Variants in LNPEP observed in about 807,000 individuals in gnomAD.
LNPEP encodes leucyl-cystinyl aminopeptidase.
A neutral mutation model predicts 120.6 loss-of-function variants in LNPEP; 64 were observed. That is an observed-to-expected ratio of 0.53 (90% CI 0.43 to 0.65). LNPEP has a LOEUF of 0.65. LNPEP is among the 30% of genes least tolerant of loss of function. The probability of loss-of-function intolerance (pLI) is 0.00; values close to 1 mark genes in which losing one functional copy is unlikely to be tolerated. For missense variants in LNPEP, 1,057 were observed against 1,200.0 expected (o/e 0.88, Z 1.76); for synonymous variants, 435 against 425.4 (o/e 1.02, Z -0.28).
intron 3 of LNPEP, 102 bp downstream of exon 3, chr5:96,985,320 T>A: frequency 1.1e-6 from 1 of 926,100 alleles, no homozygotes; most frequent in Non-Finnish European, 1.6e-6. Context: ...ATGATTAAAA[T>A]CATATACATT....
chr5:97,010,784 A>G (rs2112653947), intron 11 of LNPEP: 1 of 985,390 alleles, frequency 1.0e-6, no homozygotes, highest in Non-Finnish European at 1.2e-6. Context: ...AAAACATATG[A>G]GGGTAGCTTC....
At chr5:96,945,766 G>A (rs955404729) in intron 1 of LNPEP, among the ~76,000 whole-genome samples, 5 of 152,108 alleles carry the variant, frequency 3.3e-5, no homozygotes, top group African/African-American at 1.2e-4. Flanking sequence ...GCCCTTGGCC[G>A]TTCAGTCAGA....
At position 97,034,045 on chromosome 5, in the gene LNPEP, A is replaced by G. The variant is rs934421554; in HGVS notation, c.*5512A>G. ...TATTATTTCATGCTGTACCCAGTCC[A>G]TTGCTTGGACTTACGGGTACCTAAT... On this transcript the variant is annotated 3_prime_UTR_variant, in exon 18 of 18. Coordinates refer to ENST00000231368, the MANE Select transcript of LNPEP (RefSeq NM_005575.3). 1.3e-5 allele frequency: 2 copies of G among 152,072 alleles called. No individual in the cohort carries two copies. Among genetic ancestry groups the G allele is most frequent in the Non-Finnish European group, 2.9e-5 (2 of 68,002 alleles). 9.4% of individuals were successfully genotyped at this position (152,072 alleles called of 1,614,324 possible).
In LNPEP at chr5:96,979,128, G is replaced by T; in HGVS notation, c.20-10G>T. The T allele has an allele frequency of 3.2e-6, 5 of 1,574,358 alleles. No homozygotes were observed. The highest frequency in any genetic ancestry group is 1.4e-5 in the African/African-American group (1 of 72,844). ...ACTCTGTGCCTTGTTCTTATGTTTT[G>T]GTTTTTTAGATCGGCTTCAGCTCCC... On this transcript the variant is annotated splice_polypyrimidine_tract_variant and intron_variant, in intron 1 of 17. Coordinates refer to ENST00000231368, the MANE Select transcript of LNPEP (RefSeq NM_005575.3).
At chr5:97,024,821 A>G (rs1230832051) in intron 15 of LNPEP, 139 bp downstream of exon 15, 5 of 670,046 alleles carry the variant, frequency 7.5e-6, no homozygotes, top group Non-Finnish European at 1.2e-5. Flanking sequence ...CAGTGTGGTG[A>G]GGAGACTACA....
Position 97,034,967 on chromosome 5 carries a change from A to G in LNPEP, c.*6434A>G, listed in dbSNP as rs543183222. On this transcript the variant is annotated 3_prime_UTR_variant, in exon 18 of 18. Coordinates refer to ENST00000231368, the MANE Select transcript of LNPEP (RefSeq NM_005575.3). ...ACAAGAACACACATATTTATATACT[A>G]TACACACACATTTTAATGTATATAA... The G allele has an allele frequency of 1.3e-5, 2 of 152,138 alleles. No individual in the cohort carries two copies. The highest frequency in any genetic ancestry group is 1.5e-5 in the Non-Finnish European group (1 of 67,970). The allele number at this position is 152,138 out of a possible 1,614,324, so 9.4% of individuals were successfully genotyped here.
chr5:97,017,002 A>C (rs1791083722), intron 13 of LNPEP, among the ~76,000 whole-genome samples: 1 of 152,150 alleles, frequency 6.6e-6, no homozygotes, highest in South Asian at 2.1e-4. Flanking sequence ...TATGGGATAT[A>C]TGTCTGGAAA....
intron 1 of LNPEP, among the ~76,000 whole-genome samples, chr5:96,970,741 G>A (rs1297064579): frequency 6.6e-6 from 1 of 151,870 alleles, no homozygotes. Context: ...CATTAAGTCT[G>A]TGTATAGTCA....
At chr5:96,949,912 C>T (rs1789285155) in intron 1 of LNPEP, among the ~76,000 whole-genome samples, 2 of 152,150 alleles carry the variant, frequency 1.3e-5, no homozygotes, top group African/African-American at 4.8e-5. Flanking sequence ...TCTATCCTTC[C>T]GTCCTCCTTC....
intron 17 of LNPEP, 55 bp downstream of exon 17, chr5:97,027,869 C>A: frequency 2.0e-6 from 2 of 1,024,532 alleles, no homozygotes; most frequent in Non-Finnish European, 3.1e-6. Flanking sequence ...CACACCCGGA[C>A]CAGGCTGCTC....
chr5:96,994,042 T>C, intron 6 of LNPEP, 71 bp downstream of exon 6: 5 of 1,243,936 alleles, frequency 4.0e-6, no homozygotes, highest in Non-Finnish European at 5.6e-6. Flanking sequence ...TTGTTAGCAT[T>C]TAGATGCTAA....
At chr5:96,940,743 C>T (rs1185408359) in intron 1 of LNPEP, among the ~76,000 whole-genome samples, 1 of 152,012 alleles carries the variant, frequency 6.6e-6, no homozygotes, top group Non-Finnish European at 1.5e-5. Flanking sequence ...CCAAGATTAC[C>T]CCAGATGTTG....
chr5:96,975,386 A>G (rs1237238630), intron 1 of LNPEP, among the ~76,000 whole-genome samples: 2 of 152,182 alleles, frequency 1.3e-5, no homozygotes, highest in African/African-American at 2.4e-5. Context: ...GGGAATTGAC[A>G]TAGACTTTTC....
intron 10 of LNPEP, 85 bp downstream of exon 10, chr5:97,006,318 G>T: frequency 3.7e-6 from 5 of 1,337,246 alleles, no homozygotes; most frequent in Non-Finnish European, 5.2e-6. Flanking sequence ...ATAAGTTCTT[G>T]TGAAACCTAA....
At chr5:96,961,458 G>T (rs1420122593) in intron 1 of LNPEP, among the ~76,000 whole-genome samples, 1 of 149,624 alleles carries the variant, frequency 6.7e-6, no homozygotes, top group African/African-American at 2.5e-5. Context: ...GAAGCTAATT[G>T]TTTTTTTTAT....
chr5:97,004,827 A>T (rs1790740497), intron 9 of LNPEP, among the ~76,000 whole-genome samples: 1 of 152,132 alleles, frequency 6.6e-6, no homozygotes, highest in Admixed American at 6.6e-5. Flanking sequence ...TCCTCTGATC[A>T]TATAGTAGTA....
chr5:96,982,666 A>G (rs1330355627), intron 2 of LNPEP, among the ~76,000 whole-genome samples: 1 of 151,932 alleles, frequency 6.6e-6, no homozygotes, highest in Non-Finnish European at 1.5e-5. Flanking sequence ...GGTGGGTTGA[A>G]GAAATGAAAT....
intron 4 of LNPEP, among the ~76,000 whole-genome samples, chr5:96,989,346 A>AT (rs1318362221): frequency 4.6e-5 from 1 of 21,900 alleles, no homozygotes; most frequent in African/African-American, 1.9e-4. Flanking sequence ...ATAATATATA[A>AT]TATATTATAT....
chr5:96,965,601 G>C (rs1437204445), intron 1 of LNPEP, among the ~76,000 whole-genome samples: 1 of 152,020 alleles, frequency 6.6e-6, no homozygotes, highest in Non-Finnish European at 1.5e-5. Context: ...ACATAAATCA[G>C]CTTGAGAACA....
Sources: allele counts gnomAD v4.1 joint callset (sites outside exome capture counted in the v4.1 genomes callset), GRCh38; gene constraint gnomAD v4.1.1; transcripts MANE v1.5; gene names NCBI Gene and HGNC (gene_info 2026-07-23, HGNC 2026-07-21).